The following GRM8 variants were observed in gnomAD, a reference collection of about 807,000 sequenced individuals.
GRM8 encodes glutamate metabotropic receptor 8.
In GRM8, 47 loss-of-function variants were observed where a neutral mutation model predicts 87.2. That is an observed-to-expected ratio of 0.54 (90% confidence interval 0.43 to 0.69). The LOEUF (loss-of-function observed/expected upper bound fraction) is 0.69. GRM8 is among the 30% of genes least tolerant of loss of function. The probability of loss-of-function intolerance (pLI) is 0.00; values close to 1 mark genes in which losing one functional copy is unlikely to be tolerated. For synonymous variants in GRM8, 396 were observed against 404.5 expected (o/e 0.98, Z 0.25); for missense variants, 1,019 against 1,139.2 (o/e 0.89, Z 1.52).
intron 3 of GRM8, among the ~76,000 whole-genome samples, chr7:126,906,804 C>T (rs180770085): frequency 2.0e-4 from 31 of 152,286 alleles, no homozygotes; most frequent in African/African-American, 7.0e-4. Context: ...CAATTTGCAT[C>T]CCAGGGGTGG....
chr7:126,617,069 A>C (rs887529470), intron 7 of GRM8, among the ~76,000 whole-genome samples: 15 of 152,174 alleles, frequency 9.9e-5, no homozygotes, highest in Non-Finnish European at 1.9e-4. Context: ...CAGAGACACA[A>C]CCAAAAAAGA....
chr7:127,082,877 T>C (rs1823020126), intron 3 of GRM8, among the ~76,000 whole-genome samples: 1 of 152,168 alleles, frequency 6.6e-6, no homozygotes, highest in Non-Finnish European at 1.5e-5. Flanking sequence ...TCTAACATAG[T>C]CACGCAGTGA....
At chr7:126,638,451 T>C (rs960725005) in intron 7 of GRM8, among the ~76,000 whole-genome samples, 1 of 152,200 alleles carries the variant, frequency 6.6e-6, no homozygotes, top group Non-Finnish European at 1.5e-5. Context: ...AATTTGTTCA[T>C]ATATTAGCAC....
intron 6 of GRM8, among the ~76,000 whole-genome samples, chr7:126,866,435 A>AT (rs773031971): frequency 2.0e-5 from 3 of 149,870 alleles, no homozygotes; most frequent in Admixed American, 6.6e-5. Context: ...CCATTTATCT[A>AT]TTTTTTCCTT....
intron 9 of GRM8, among the ~76,000 whole-genome samples, chr7:126,514,970 T>A (rs368729345): frequency 1.3e-5 from 2 of 152,040 alleles, no homozygotes; most frequent in East Asian, 3.9e-4. Context: ...TTATTATAAT[T>A]ACATATTGCA....
chr7:126,501,140 AC>A (rs1455481772), intron 9 of GRM8, among the ~76,000 whole-genome samples: 1 of 152,022 alleles, frequency 6.6e-6, no homozygotes, highest in Non-Finnish European at 1.5e-5. Context: ...TGAATTACTT[AC>A]GTTTTACAGC....
intron 3 of GRM8, among the ~76,000 whole-genome samples, chr7:126,925,826 T>C (rs1018164644): frequency 6.6e-5 from 10 of 152,242 alleles, no homozygotes; most frequent in African/African-American, 2.2e-4. Context: ...TAACCAATTT[T>C]ACTTACTCTT....
rs141892693 is a variant in GRM8, at chr7:127,177,966, C to T, written c.510+64729G>A. Among the ~76,000 whole-genome samples the T allele has an allele frequency of 3.3e-3, 500 of 152,300 alleles. 4 individuals are homozygous for T. The highest frequency in any genetic ancestry group is 0.012 in the African/African-American group (488 of 41,568). ...CTTCAACACCCACAAAAAAATCACA[C>T]TAGTTCACCAGCAATGGATCCAAAC... On this transcript the variant is annotated intron_variant, in intron 2 of 10. Coordinates refer to ENST00000339582, the MANE Select transcript of GRM8 (RefSeq NM_000845.3).
rs150319673 is a variant in GRM8 at position 126,533,428 on chromosome 7, G to A, written c.1954C>T (p.Arg652Trp). ...CACATGCCAAGTCCTAGGAAGACCC[G>A]TCGGAAGGAGCATATGATTGTATCT... ...APDTIICSFR[R>W]VFLGLGMCFS... The change falls in exon 9 of 11, where the codon CGG becomes TGG. Residue 652 changes from arginine (R) to tryptophan (W), a missense_variant. Arg to Trp is a moderately radical substitution (Grantham distance 101). Coordinates refer to ENST00000339582, the MANE Select transcript of GRM8 (RefSeq NM_000845.3). 9 of 1,613,832 alleles carry A rather than the reference G, an allele frequency of 5.6e-6. No homozygotes were observed. The highest frequency in any genetic ancestry group is 1.7e-5 in the Admixed American group (1 of 59,988).
chr7:126,964,095 G>C (rs950114974), intron 3 of GRM8, among the ~76,000 whole-genome samples: 5 of 152,130 alleles, frequency 3.3e-5, no homozygotes, highest in African/African-American at 1.2e-4. Context: ...AATGGTGCTG[G>C]GAAAACTGGC....
At chr7:126,456,541 A>AAAAAAAAAAC (rs1803262072) in intron 9 of GRM8, among the ~76,000 whole-genome samples, 1 of 148,708 alleles carries the variant, frequency 6.7e-6, no homozygotes, top group South Asian at 2.1e-4. Flanking sequence ...AAAAAAAAAA[A>AAAAAAAAAAC]AAAAATCAAA....
At chr7:126,702,330 A>G (rs1003000017) in intron 7 of GRM8, among the ~76,000 whole-genome samples, 4 of 149,164 alleles carry the variant, frequency 2.7e-5, no homozygotes, top group South Asian at 2.1e-4. Flanking sequence ...CTGGCAGACC[A>G]TCATCTGTTT....
intron 6 of GRM8, among the ~76,000 whole-genome samples, chr7:126,814,194 A>G (rs921373372): frequency 3.3e-5 from 5 of 152,112 alleles, no homozygotes; most frequent in Non-Finnish European, 7.4e-5. Context: ...CTCATGTAGT[A>G]TACTCAGTTT....
At chr7:126,857,957 G>A (rs1314913030) in intron 6 of GRM8, among the ~76,000 whole-genome samples, 4 of 152,088 alleles carry the variant, frequency 2.6e-5, no homozygotes, top group Non-Finnish European at 5.9e-5. Context: ...TAAAGAAGGG[G>A]AAGGAAGGAT....
intron 7 of GRM8, among the ~76,000 whole-genome samples, chr7:126,626,462 C>A (rs1034668309): frequency 1.3e-5 from 2 of 151,970 alleles, no homozygotes; most frequent in African/African-American, 4.8e-5. Context: ...ATATTGGTAG[C>A]CATTTTTTCA....
intron 8 of GRM8, among the ~76,000 whole-genome samples, chr7:126,551,685 ATTTT>A (rs56412563): frequency 6.7e-6 from 1 of 149,450 alleles, no homozygotes; most frequent in East Asian, 2.0e-4. Context: ...ACCATACGTA[ATTTT>A]TTTTTTTATC....
chr7:126,530,519 G>A (rs1292915572), intron 9 of GRM8, among the ~76,000 whole-genome samples: 1 of 152,216 alleles, frequency 6.6e-6, no homozygotes, highest in East Asian at 1.9e-4. Context: ...CAGGGAAGCC[G>A]ACTGACATGG....
chr7:126,509,215 G>A (rs967551997), intron 9 of GRM8, among the ~76,000 whole-genome samples: 15 of 151,966 alleles, frequency 9.9e-5, no homozygotes, highest in African/African-American at 3.4e-4. Flanking sequence ...TTTTCAATAT[G>A]GTTAAAATAT....
intron 6 of GRM8, among the ~76,000 whole-genome samples, chr7:126,886,106 T>C (rs1800466937): frequency 6.6e-6 from 1 of 152,104 alleles, no homozygotes; most frequent in Admixed American, 6.6e-5. Context: ...AGGGCCTCTA[T>C]TGTAAAAACA....
Sources: gnomAD v4.1 joint callset for allele counts (sites outside exome capture counted in the v4.1 genomes callset) on GRCh38, gnomAD v4.1.1 for gene constraint, MANE v1.5 for transcripts, NCBI Gene and HGNC (gene_info 2026-07-23, HGNC 2026-07-21) for gene names.